LARS1: variants seen among roughly 807,000 people sequenced by gnomAD.
LARS1 encodes leucine--tRNA ligase, cytoplasmic.
A neutral mutation model predicts 162.8 loss-of-function variants in LARS1; 100 were observed. The observed-to-expected ratio is 0.61, with a 90% CI of 0.52 to 0.73. LARS1 has a LOEUF of 0.73. LARS1 is among the 30% of genes least tolerant of loss of function. The pLI is 0.00. For missense variants in LARS1, 1,258 were observed against 1,408.9 expected, an observed-to-expected ratio of 0.89 and a Z score of 1.71; for synonymous variants, 457 against 462.8, an observed-to-expected ratio of 0.99 and a Z score of 0.16.
chr5:146,131,605 C>T (rs1752287031), intron 23 of LARS1: 1 of 151,294 alleles, frequency 6.6e-6, no homozygotes, highest in Non-Finnish European at 1.5e-5. Context: ...AATCTTCTCA[C>T]CTCAGCCTCC....
intron 5 of LARS1, among the ~76,000 whole-genome samples, chr5:146,166,408 A>G (rs192188006): frequency 2.1e-4 from 32 of 152,332 alleles, no homozygotes; most frequent in Admixed American, 1.6e-3. Context: ...CCACACACAC[A>G]CACTCAAAAA....
chr5:146,146,315 C>T (rs1194831780), intron 15 of LARS1, among the ~76,000 whole-genome samples: 2 of 145,622 alleles, frequency 1.4e-5, no homozygotes, highest in Non-Finnish European at 1.5e-5. Flanking sequence ...ACTCCAGCAG[C>T]CTGGGCAACA....
At position 146,157,497 on chromosome 5, in the gene LARS1, AAT is replaced by A. The variant is rs780049130; in HGVS notation, c.969_970del (p.Phe324HisfsTer26). 2 of 1,614,174 alleles carry A rather than the reference AAT, an allele frequency of 1.2e-6. No individual in the cohort carries two copies. The highest frequency in any genetic ancestry group is 1.7e-6 in the Non-Finnish European group (2 of 1,180,022). ...CCTGGCTGCTTTTTGGGTACAGATG[AAT>A]ATATCACCATTCACCGTCTCAAATC... On this transcript the variant is annotated frameshift_variant, in exon 10 of 32. Transcript: ENST00000394434. LOFTEE classifies it high-confidence loss of function.
chr5:146,181,833 G>A (rs997026851), intron 1 of LARS1, among the ~76,000 whole-genome samples: 26 of 110,202 alleles, frequency 2.4e-4, no homozygotes, highest in South Asian at 1.7e-3. Flanking sequence ...TTTACGGAGA[G>A]GCGCTCAATT....
chr5:146,114,151 C>T lies in LARS1; in HGVS notation c.3486G>A (p.Gly1162=). The T allele has an allele frequency of 6.2e-7, 1 of 1,613,800 alleles. No individual in the cohort carries two copies. The highest frequency in any genetic ancestry group is 8.5e-7 in the Non-Finnish European group (1 of 1,179,928). Residue 1162 remains glycine (G), a synonymous_variant, in exon 32 of 32, where the codon GGG becomes GGA. Coordinates refer to ENST00000394434, the MANE Select transcript of LARS1 (RefSeq NM_020117.11). ...MSKKIHLTEN[G]IRVDIGDTII... The stretch of plus-strand genomic sequence containing the variant: ...TTGTATCGCCAATATCCACCCTTAT[C>T]CCATTCTCAGTCAGATGAATTTTCT...
At chr5:146,167,495 C>G (rs1935155529) in intron 5 of LARS1, among the ~76,000 whole-genome samples, 1 of 151,720 alleles carries the variant, frequency 6.6e-6, no homozygotes, top group Admixed American at 6.6e-5. Context: ...GCTCCACCTC[C>G]AGGGTTCACG....
At position 146,177,646 on chromosome 5, in the gene LARS1, T is replaced by C. The variant is rs769527744; in HGVS notation, c.26A>G (p.Lys9Arg). The change falls in exon 2 of 32, where the codon AAA becomes AGA. Residue 9 changes from lysine to arginine, a missense_variant. By Grantham distance (26) the Lys-to-Arg change is conservative. Transcript: ENST00000394434. The part of the protein sequence containing the change: MAERKGTA[K>R]VDFLKKIEKE... ...CTCAATCTTCTTCAAAAAGTCCACT[T>C]TGGCTGTTCCTTTTCTTTCCTATTG... 3.1e-6 allele frequency: 5 copies of C among 1,596,692 alleles called. No homozygotes were observed. The highest frequency in any genetic ancestry group is 1.7e-5 in the Admixed American group (1 of 59,528).
intron 7 of LARS1, 25 bp from the exon 8 acceptor site, chr5:146,159,495 A>C (rs535635223): frequency 6.5e-7 from 1 of 1,546,264 alleles, no homozygotes; most frequent in East Asian, 2.2e-5. Context: ...AAAAGTGACA[A>C]ACATTATTAT....
At chr5:146,125,851 T>A (rs1037732224) in intron 28 of LARS1, among the ~76,000 whole-genome samples, 5 of 151,990 alleles carry the variant, frequency 3.3e-5, no homozygotes, top group African/African-American at 1.2e-4. Context: ...TGGAAGGTGA[T>A]TCTGCCCCCA....
chr5:146,124,491 T>TACC (rs1751964115), intron 28 of LARS1, among the ~76,000 whole-genome samples: 1 of 151,838 alleles, frequency 6.6e-6, no homozygotes, highest in African/African-American at 2.4e-5. Flanking sequence ...TTTTCTGAGA[T>TACC]ACCACCTTCT....
chr5:146,157,059 A>G (rs1480413794), intron 10 of LARS1, among the ~76,000 whole-genome samples: 2 of 152,218 alleles, frequency 1.3e-5, no homozygotes, highest in Non-Finnish European at 1.5e-5. Flanking sequence ...GAAGCTAGAC[A>G]CAAAACAGTC....
At chr5:146,115,502 G>A (rs1214594019) in intron 31 of LARS1, among the ~76,000 whole-genome samples, 2 of 141,248 alleles carry the variant, frequency 1.4e-5, no homozygotes, top group Non-Finnish European at 3.0e-5. Context: ...ATTTTTAGCT[G>A]TAGGATGAGG....
chr5:146,139,836 C>G (rs1254208454), intron 21 of LARS1: 1 of 138,812 alleles, frequency 7.2e-6, no homozygotes, highest in Non-Finnish European at 1.3e-5. Context: ...TATGACGTCA[C>G]TGCACTCCAG....
In LARS1 at chr5:146,157,424, A is replaced by G. The variant is rs756436826; in HGVS notation, c.1044T>C (p.Val348=). ...TTACCTCCCCCATTAATTCCTTAAC[A>G]ACAGGCACCACGCCATTGTCTTTGG... is the stretch of plus-strand genomic sequence containing the variant. ...GFTKDNGVVP[V]VKELMGEEIL... The change falls in exon 10 of 32, where the codon GTT becomes GTC. Residue 348 remains valine, a synonymous_variant. Coordinates refer to ENST00000394434, the MANE Select transcript of LARS1 (RefSeq NM_020117.11). 2 of 1,614,198 alleles carry G rather than the reference A, an allele frequency of 1.2e-6. No homozygotes were observed. Among genetic ancestry groups the G allele is most frequent in the South Asian group, 2.2e-5 (2 of 91,086 alleles).
chr5:146,132,811 A>G, intron 23 of LARS1, 87 bp downstream of exon 23: 1 of 1,021,744 alleles, frequency 9.8e-7, no homozygotes, highest in Non-Finnish European at 1.4e-6. Context: ...TATTAAAAAA[A>G]AAAAAGAAAA....
rs766582193 is a variant in LARS1, at chr5:146,153,886, T to C, written c.1153+7A>G. The C allele has an allele frequency of 4.6e-5, 74 of 1,608,590 alleles. 1 individual carries two copies. The highest frequency in any genetic ancestry group is 4.3e-5 in the Non-Finnish European group (51 of 1,175,378). On this transcript the variant is annotated splice_region_variant and intron_variant, in intron 11 of 31. Coordinates refer to ENST00000394434, the MANE Select transcript of LARS1 (RefSeq NM_020117.11). ...AAAATATTTCTAGAAATAAATAAACTCTTTACCTTTATCCTCCTTAATAGT... is the reference window on the plus strand; with the variant it reads ...AAAATATTTCTAGAAATAAATAAACCCTTTACCTTTATCCTCCTTAATAGT...
At position 146,144,471 on chromosome 5, in the gene LARS1, C is replaced by T. The variant is rs1281245605; in HGVS notation, c.1655+1G>A. The T allele has an allele frequency of 3.1e-6, 5 of 1,612,458 alleles. No individual in the cohort carries two copies. The highest frequency in any genetic ancestry group is 3.3e-5 in the Admixed American group (2 of 59,736). ...TCCTTCATCACTTTCTCCCATCTTA[C>T]GTTTCCAGGTTCTTCAAGCACTGAG... On this transcript the variant is annotated splice_donor_variant, in intron 17 of 31. Transcript: ENST00000394434. LOFTEE classifies it high-confidence loss of function.
chr5:146,144,623 C>A lies in LARS1; in HGVS notation c.1589+1G>T. On this transcript the variant is annotated splice_donor_variant, in intron 16 of 31. Transcript: ENST00000394434. LOFTEE classifies it high-confidence loss of function. ...GAATTTTCTTGCTATAAGAGACTAA[C>A]CACTGGTCACACAGAGCCACAACAC... 1 of 1,613,974 alleles carries A rather than the reference C, an allele frequency of 6.2e-7. No individual in the cohort carries two copies. The highest frequency in any genetic ancestry group is 8.5e-7 in the Non-Finnish European group (1 of 1,179,924).
At chr5:146,175,716 T>TA (rs969782579) in intron 2 of LARS1, among the ~76,000 whole-genome samples, 1 of 149,650 alleles carries the variant, frequency 6.7e-6, no homozygotes, top group African/African-American at 2.5e-5. Context: ...TAGTTCCAGC[T>TA]ACTCAGGAGG....
Sources: gnomAD v4.1 joint callset for allele counts (sites outside exome capture counted in the v4.1 genomes callset) on GRCh38, gnomAD v4.1.1 for gene constraint, MANE v1.5 for transcripts, NCBI Gene and HGNC (gene_info 2026-07-23, HGNC 2026-07-21) for gene names.